SCG3: variants seen among roughly 807,000 people sequenced by gnomAD.
SCG3 encodes secretogranin-3.
In SCG3, 38 loss-of-function variants were observed where a neutral mutation model predicts 56.2. The ratio of observed to expected loss-of-function variants is 0.68; its 90% CI spans 0.52 to 0.89. SCG3 has a LOEUF of 0.89. SCG3 is among the 40% of genes least tolerant of loss of function. The pLI, the probability that SCG3 is intolerant of heterozygous loss-of-function variation, is 0.00. For missense variants in SCG3, 524 were observed against 540.7 expected, an observed-to-expected ratio of 0.97 and a Z score of 0.31; for synonymous variants, 176 against 184.2, an observed-to-expected ratio of 0.96 and a Z score of 0.36.
At chr15:51,700,179 T>C (rs2055330082) in intron 9 of SCG3, among the ~76,000 whole-genome samples, 1 of 152,114 alleles carries the variant, frequency 6.6e-6, no homozygotes, top group South Asian at 2.1e-4. Flanking sequence ...TCCATAATAA[T>C]GTAATGACAC....
rs56192434 is a variant in SCG3 at position 51,704,764 on chromosome 15, C to CATATATATATATATATATATATAT, written c.1207+3528_1207+3551dup. On this transcript the variant is annotated intron_variant, in intron 10 of 11. Coordinates refer to ENST00000220478, the MANE Select transcript of SCG3 (RefSeq NM_013243.4). ...TACCTTTTGGCTGTTGTGAGTAATA[C>CATATATATATATATATATATATAT]ATATATATATATATATATATATATA... Among the ~76,000 whole-genome samples, 352 of 66,928 alleles carry CATATATATATATATATATATATAT rather than the reference C, an allele frequency of 5.3e-3. 26 individuals carry two copies. Among genetic ancestry groups the CATATATATATATATATATATATAT allele is most frequent in the Non-Finnish European group, 7.9e-3 (224 of 28,502 alleles). The allele number at this position is 66,928 out of a possible 152,430, so 43.9% of individuals were successfully genotyped here. A position where few individuals can be genotyped will look rare whatever the true frequency, so the allele number is the denominator to read the frequency against.
chr15:51,681,954 C>A, intron 1 of SCG3, 117 bp downstream of exon 1: 2 of 737,226 alleles, frequency 2.7e-6, no homozygotes, highest in East Asian at 2.7e-5. Flanking sequence ...AAATCATATC[C>A]ATGAATACGG....
At position 51,699,318 on chromosome 15, in the gene SCG3, GA is replaced by G. The variant is rs772551434; in HGVS notation, c.989del (p.Asn330ThrfsTer5). 1 of 1,597,478 alleles carries G rather than the reference GA, an allele frequency of 6.3e-7. No individual in the cohort carries two copies. On this transcript the variant is annotated frameshift_variant and splice_region_variant, in exon 9 of 12. Coordinates refer to ENST00000220478, the MANE Select transcript of SCG3 (RefSeq NM_013243.4). LOFTEE classifies it high-confidence loss of function. ...ISPEEGVSYLENLDEMIALQT... is the reference protein window; with the variant it reads ...ISPEEGVSYLXNLDEMIALQT... ...TAAATTTCTTTCCTTCCTCCCTCCA[GA>G]AAACTTGGATGAAATGATTGCTCTT...
intron 4 of SCG3, among the ~76,000 whole-genome samples, chr15:51,685,618 G>A (rs2055223808): frequency 6.6e-6 from 1 of 152,148 alleles, no homozygotes; most frequent in Admixed American, 6.5e-5. Flanking sequence ...TGAAACCAGA[G>A]GGTTTTTGGC....
At chr15:51,705,191 A>G (rs1239285837) in intron 10 of SCG3, among the ~76,000 whole-genome samples, 3 of 152,050 alleles carry the variant, frequency 2.0e-5, no homozygotes, top group East Asian at 3.9e-4. Context: ...ATGTATAGCA[A>G]TCGTATTTCC....
At chr15:51,688,118 GT>G in intron 4 of SCG3, 141 bp from the exon 5 acceptor site, 1 of 762,330 alleles carries the variant, frequency 1.3e-6, no homozygotes, top group South Asian at 4.1e-5. Context: ...CAAACCGAGG[GT>G]TTCTGTGGAC....
At chr15:51,709,686 TATATA>T (rs2055401569) in intron 10 of SCG3, among the ~76,000 whole-genome samples, 2 of 23,464 alleles carry the variant, frequency 8.5e-5, no homozygotes, top group South Asian at 1.4e-3. Flanking sequence ...TATATATATA[TATATA>T]TATATATATA....
Position 51,719,416 on chromosome 15 carries a change from CT to C in SCG3, c.1300del (p.Ser434GlnfsTer3). 1.2e-6 allele frequency: 2 copies of C among 1,611,716 alleles called. No individual in the cohort carries two copies. Among genetic ancestry groups the C allele is most frequent in the Non-Finnish European group, 1.7e-6 (2 of 1,178,174 alleles). ...CTAATAATATTTTCCAGATTATGAC[CT>C]TTCAAAGATGAGAGACTTCATCAAT... is the stretch of plus-strand genomic sequence containing the variant. ...DKKGNKEDYD[L>X]SKMRDFINKQ... is the part of the protein sequence containing the mutation. On this transcript the variant is annotated frameshift_variant, in exon 12 of 12. Coordinates refer to ENST00000220478, the MANE Select transcript of SCG3 (RefSeq NM_013243.4). LOFTEE classifies it high-confidence loss of function.
chr15:51,717,493 G>A (rs1163626457), intron 11 of SCG3, among the ~76,000 whole-genome samples: 4 of 149,388 alleles, frequency 2.7e-5, no homozygotes, highest in African/African-American at 5.0e-5. Context: ...ATGATCATAC[G>A]ACTGCATCCA....
intron 10 of SCG3, chr15:51,708,096 T>G (rs2141576894): frequency 6.6e-6 from 1 of 152,224 alleles, no homozygotes. Context: ...CTGGCCCTCC[T>G]CCCATCTGCT....
In SCG3 at chr15:51,719,730, G is replaced by C; in HGVS notation, c.*204G>C. ...GAAAGTAAAGTTGTATGTAAGCTGA[G>C]ATTTTGTATACAGAATCCTTATTTC... is the stretch of plus-strand genomic sequence containing the variant. On this transcript the variant is annotated 3_prime_UTR_variant, in exon 12 of 12. Transcript: ENST00000220478. 1.8e-6 allele frequency: 1 copy of C among 546,354 alleles called. No homozygotes were observed. Among genetic ancestry groups the C allele is most frequent in the South Asian group, 2.5e-5 (1 of 39,588 alleles). 33.8% of individuals were successfully genotyped at this position (546,354 alleles called of 1,614,324 possible).
At chr15:51,707,559 A>G (rs918905052) in intron 10 of SCG3, among the ~76,000 whole-genome samples, 1 of 152,200 alleles carries the variant, frequency 6.6e-6, no homozygotes, top group Non-Finnish European at 1.5e-5. Context: ...CAAATCATGA[A>G]TCTCCTTTTT....
chr15:51,718,975 C>G (rs1010224339), intron 11 of SCG3, among the ~76,000 whole-genome samples: 5 of 152,126 alleles, frequency 3.3e-5, no homozygotes, highest in South Asian at 2.1e-4. Flanking sequence ...CACTTAACCC[C>G]GAAGTGTGGT....
intron 8 of SCG3, among the ~76,000 whole-genome samples, chr15:51,697,107 G>A (rs2055308722): frequency 6.7e-6 from 1 of 148,854 alleles, no homozygotes; most frequent in Non-Finnish European, 1.5e-5. Flanking sequence ...GTAACATTTT[G>A]GTTTATATTC....
intron 5 of SCG3, among the ~76,000 whole-genome samples, 158 bp downstream of exon 5, chr15:51,688,560 T>C (rs972906445): frequency 1.1e-4 from 15 of 142,850 alleles, no homozygotes; most frequent in African/African-American, 3.3e-4. Context: ...ATTCTTTTTT[T>C]TCTAGGAGTT....
chr15:51,701,842 G>A (rs907333991), intron 10 of SCG3, among the ~76,000 whole-genome samples: 1 of 151,998 alleles, frequency 6.6e-6, no homozygotes, highest in African/African-American at 2.4e-5. Context: ...GGACGTGGAG[G>A]CTGCCCCACT....
chr15:51,705,413 T>C (rs2055368829), intron 10 of SCG3, among the ~76,000 whole-genome samples: 1 of 152,236 alleles, frequency 6.6e-6, no homozygotes, highest in Non-Finnish European at 1.5e-5. Context: ...ATGTGAGTGT[T>C]TGGAGACCAA....
chr15:51,681,947 T>C (rs2055197492), intron 1 of SCG3, 110 bp downstream of exon 1: 4 of 787,838 alleles, frequency 5.1e-6, no homozygotes, highest in Non-Finnish European at 8.7e-6. Context: ...TCTGATCAAA[T>C]CATATCCATG....
intron 11 of SCG3, among the ~76,000 whole-genome samples, chr15:51,718,751 A>T (rs1341887823): frequency 6.6e-6 from 1 of 151,420 alleles, no homozygotes; most frequent in African/African-American, 2.4e-5. Context: ...TGTTTGTTTA[A>T]GGAGGACAGA....
Sources: allele counts gnomAD v4.1 joint callset (sites outside exome capture counted in the v4.1 genomes callset), GRCh38; gene constraint gnomAD v4.1.1; transcripts MANE v1.5; gene names NCBI Gene and HGNC (gene_info 2026-07-23, HGNC 2026-07-21).